The following RUBCNL variants were observed in gnomAD, a reference collection of about 807,000 sequenced individuals.
The protein encoded by RUBCNL is protein associated with UVRAG as autophagy enhancer.
In RUBCNL, 62 loss-of-function variants were observed where a neutral mutation model predicts 69.5. The ratio of observed to expected loss-of-function variants is 0.89; its 90% confidence interval spans 0.73 to 1.10. The LOEUF is 1.10. Ranked by LOEUF, RUBCNL falls within the 50% of genes least tolerant of loss-of-function variation. RUBCNL has a pLI of 0.00. For missense variants in RUBCNL, 768 were observed against 798.1 expected (o/e 0.96, Z 0.45); for synonymous variants, 291 against 303.6 (o/e 0.96, Z 0.43).
rs2048120543 is a variant in RUBCNL at position 46,338,733 on chromosome 13, A to T, written c.*4652T>A. ...GAGGGGGCAGCCCTGGGGAGAAAGA[A>T]GCCTGGAAGCACAAGCAGAGGCCAG... On this transcript the variant is annotated 3_prime_UTR_variant, in exon 15 of 15. Transcript: ENST00000429979. Among the ~76,000 whole-genome samples, 1 of 152,064 alleles carries T rather than the reference A, an allele frequency of 6.6e-6. No homozygotes were observed. The highest frequency in any genetic ancestry group is 2.4e-5 in the African/African-American group (1 of 41,402).
intron 3 of RUBCNL, among the ~76,000 whole-genome samples, chr13:46,371,341 A>T (rs2048870797): frequency 6.6e-6 from 1 of 152,168 alleles, no homozygotes. Flanking sequence ...TAATTTATTG[A>T]CTCTTGAGTA....
rs777117972 is a variant in RUBCNL at position 46,363,067 on chromosome 13, G to A, written c.925+48C>T. ...TGCATGTTAGTGTGTGTATGCGGAT[G>A]GGATTGGGGAGGCAGCCAGTCACAT... On this transcript the variant is annotated intron_variant, in intron 6 of 14. Coordinates refer to ENST00000429979, the MANE Select transcript of RUBCNL (RefSeq NM_025113.5). 36 of 1,145,244 alleles carry A rather than the reference G, an allele frequency of 3.1e-5. 1 individual carries two copies. The South Asian group carries it at 4.7e-4, about 15-fold the overall frequency. 70.9% of individuals were successfully genotyped at this position (1,145,244 alleles called of 1,614,324 possible).
Position 46,387,045 on chromosome 13 carries a change from A to G in RUBCNL, c.-239+89T>C, listed in dbSNP as rs923176564. On this transcript the variant is annotated intron_variant, in intron 1 of 14. Transcript: ENST00000429979. Reference sequence around the variant, plus strand: ...TCTCTGGCGCCACTTCCACCATCCAACCTCTCCCGCGGCCCTCCCTTCCCT... The same window carrying G: ...TCTCTGGCGCCACTTCCACCATCCAGCCTCTCCCGCGGCCCTCCCTTCCCT... 1.0e-5 allele frequency: 10 copies of G among 958,216 alleles called. No homozygotes were observed. In the African/African-American group the frequency reaches 1.8e-4, roughly 17 times the overall value. The allele number at this position is 958,216 out of a possible 1,614,324, so 59.4% of individuals were successfully genotyped here. A position where few individuals can be genotyped will look rare whatever the true frequency, so the allele number is the denominator to read the frequency against.
intron 2 of RUBCNL, 53 bp downstream of exon 2, chr13:46,377,837 G>A (rs1732581336): frequency 1.9e-6 from 2 of 1,036,952 alleles, no homozygotes; most frequent in East Asian, 2.5e-5. Context: ...CATGTCTAAG[G>A]TCACAGCTGG....
chr13:46,356,340 G>C (rs2138721784), intron 10 of RUBCNL, 92 bp downstream of exon 10: 1 of 1,215,132 alleles, frequency 8.2e-7, no homozygotes, highest in Non-Finnish European at 1.2e-6. Context: ...TCTCATCAAA[G>C]GCATCTCTCA....
intron 9 of RUBCNL, 145 bp downstream of exon 9, chr13:46,359,341 T>C: frequency 3.6e-6 from 2 of 552,560 alleles, no homozygotes; most frequent in South Asian, 5.5e-5. Context: ...AGCCAGAAAA[T>C]ACAGCCAACT....
Position 46,363,107 on chromosome 13 carries a change from A to C in RUBCNL, c.925+8T>G, listed in dbSNP as rs2048669506. ...GCCAGTCACATCCAAACAGTTTCCA[A>C]ATCTTACCTAAAATAACAAATTCAT... On this transcript the variant is annotated splice_region_variant and intron_variant, in intron 6 of 14. Transcript: ENST00000429979. The C allele has an allele frequency of 1.9e-6, 3 of 1,581,626 alleles. No homozygotes were observed. Among genetic ancestry groups the C allele is most frequent in the Middle Eastern group, 1.7e-4 (1 of 5,972 alleles).
intron 10 of RUBCNL, among the ~76,000 whole-genome samples, chr13:46,353,904 T>C (rs561999368): frequency 6.6e-6 from 1 of 152,354 alleles, no homozygotes; most frequent in East Asian, 1.9e-4. Context: ...TTTCAATTAA[T>C]TTAATTTTAA....
chr13:46,350,028 TG>T, intron 11 of RUBCNL, 84 bp downstream of exon 11: 1 of 1,017,744 alleles, frequency 9.8e-7, no homozygotes, highest in Non-Finnish European at 1.5e-6. Context: ...AGGATGTATC[TG>T]TGGGTTCCCC....
At chr13:46,388,340 GAAGGAAGGAAGGAAGGAAAGCAAAGA>G (rs1489128067), upstream of RUBCNL, among the ~76,000 whole-genome samples, 2 of 145,930 alleles carry the variant, frequency 1.4e-5, no homozygotes, top group Non-Finnish European at 1.5e-5. Flanking sequence ...CTAAGCCAAG[GAAGGAAGGAAGGAAGGAAAGCAAAGA>G]AAGGAAGGAA....
rs1219370049 is a variant in RUBCNL, at chr13:46,361,502, C to A, written c.1058G>T (p.Cys353Phe). 10 of 1,613,746 alleles carry A rather than the reference C, an allele frequency of 6.2e-6. No homozygotes were observed. Among genetic ancestry groups the A allele is most frequent in the Non-Finnish European group, 8.5e-6 (10 of 1,179,828 alleles). ...AKELYRVFQK[C>F]WILSVVNSQL... ...AGAATTAACTACTGACAGTATCCAG[C>A]ACTTCTGGAACACGCGGTACAGCTC... is the stretch of plus-strand genomic sequence containing the variant. Residue 353 changes from cysteine to phenylalanine, a missense_variant, in exon 8 of 15, where the codon TGC (cysteine) becomes TTC (phenylalanine). By Grantham distance (205) the Cys-to-Phe change is radical. Transcript: ENST00000429979.
chr13:46,345,324 CA>C (rs1319198946), intron 13 of RUBCNL, 122 bp downstream of exon 13: 1 of 1,186,816 alleles, frequency 8.4e-7, no homozygotes, highest in Non-Finnish European at 1.2e-6. Context: ...TCAGTTTTCT[CA>C]TCTCTAACTA....
intron 2 of RUBCNL, 94 bp downstream of exon 2, chr13:46,377,796 A>G (rs2049028157): frequency 1.6e-6 from 1 of 612,426 alleles, no homozygotes; most frequent in Non-Finnish European, 2.8e-6. Flanking sequence ...AAGCATTGAG[A>G]GTTAGAATAG....
Position 46,349,326 on chromosome 13 carries a change from G to A in RUBCNL, c.1591C>T (p.His531Tyr), listed in dbSNP as rs1178159763. 1 of 1,613,694 alleles carries A rather than the reference G, an allele frequency of 6.2e-7. No individual in the cohort carries two copies. The highest frequency in any genetic ancestry group is 1.1e-5 in the South Asian group (1 of 91,068). Residue 531 changes from histidine (H) to tyrosine (Y), a missense_variant, in exon 12 of 15, where the codon CAT becomes TAT. Transcript: ENST00000429979. ...CAGGTCTTCAACAGCTTCTTGATAT[G>A]GAAGAGCTGCTCCTGAATTTCCTAA... ...RVKEIQEQLF[H>Y]IKKLLKTCRF...
intron 7 of RUBCNL, 115 bp downstream of exon 7, chr13:46,362,423 A>G (rs1164636846): frequency 3.6e-6 from 2 of 554,850 alleles, no homozygotes; most frequent in East Asian, 6.3e-5. Context: ...GATTCATGGG[A>G]ACAAATCACT....
intron 2 of RUBCNL, 119 bp downstream of exon 2, chr13:46,377,771 C>T: frequency 3.6e-6 from 2 of 548,500 alleles, no homozygotes. Context: ...GCTGCTTTGC[C>T]AGGTTATAAA....
At chr13:46,381,525 T>C (rs2049116233) in intron 1 of RUBCNL, among the ~76,000 whole-genome samples, 1 of 152,228 alleles carries the variant, frequency 6.6e-6, no homozygotes, top group Non-Finnish European at 1.5e-5. Flanking sequence ...ACTGTGGTAA[T>C]GATGGCATAT....
At chr13:46,359,420 G>T in intron 9 of RUBCNL, 66 bp downstream of exon 9, 1 of 1,395,854 alleles carries the variant, frequency 7.2e-7, no homozygotes, top group East Asian at 2.4e-5. Flanking sequence ...CTGCCATAGA[G>T]TCAGGTGGGA....
intron 3 of RUBCNL, among the ~76,000 whole-genome samples, chr13:46,371,253 A>C (rs568394705): frequency 7.9e-5 from 12 of 152,374 alleles, no homozygotes; most frequent in African/African-American, 2.9e-4. Flanking sequence ...ATAGAAATGT[A>C]AATTAATAAT....
Sources: allele counts gnomAD v4.1 joint callset (sites outside exome capture counted in the v4.1 genomes callset), GRCh38; gene constraint gnomAD v4.1.1; transcripts MANE v1.5; gene names NCBI Gene and HGNC (gene_info 2026-07-23, HGNC 2026-07-21).